Variants in TBL1XR1 observed in about 807,000 individuals in gnomAD.
The protein encoded by TBL1XR1 is F-box-like/WD repeat-containing protein TBL1XR1.
Under a neutral mutation model 66.9 loss-of-function variants are expected in TBL1XR1, and 5 were observed. That is an observed-to-expected ratio of 0.07 (90% confidence interval 0.04 to 0.16). The LOEUF (loss-of-function observed/expected upper bound fraction) is 0.16, where lower values mean the gene tolerates loss of function less well. Among genes scored for constraint, TBL1XR1 ranks in the 10% least tolerant of loss-of-function variants. The probability of loss-of-function intolerance (pLI) is 1.00; values close to 1 mark genes in which losing one functional copy is unlikely to be tolerated. For synonymous variants in TBL1XR1, 210 were observed against 206.0 expected, an observed-to-expected ratio of 1.02 and a Z score of -0.17; for missense variants, 238 against 623.2, an observed-to-expected ratio of 0.38 and a Z score of 6.58.
At position 177,036,813 on chromosome 3, in the gene TBL1XR1, C is replaced by T. The variant is rs116160473; in HGVS notation, c.1122+1285G>A. On this transcript the variant is annotated intron_variant, in intron 12 of 15. Transcript: ENST00000457928. ...ATAGTAGCAGGAAAATCAGTTTTCC[C>T]TCATGATTTTCATATCTGTAACGGT... Among the ~76,000 whole-genome samples the T allele has an allele frequency of 2.0e-3, 302 of 152,296 alleles. 1 individual carries two copies. The highest frequency in any genetic ancestry group is 6.6e-3 in the African/African-American group (273 of 41,562).
At chr3:177,140,755 AAT>A (rs1729537770) in intron 1 of TBL1XR1, among the ~76,000 whole-genome samples, 1 of 152,246 alleles carries the variant, frequency 6.6e-6, no homozygotes, top group Non-Finnish European at 1.5e-5. Context: ...ATAAGTAAAT[AAT>A]AGTCATAACA....
chr3:177,036,340 C>T (rs1317784618), intron 12 of TBL1XR1, among the ~76,000 whole-genome samples: 4 of 152,220 alleles, frequency 2.6e-5, no homozygotes, highest in African/African-American at 4.8e-5. Context: ...CTCCTCCATT[C>T]GCATGACTCA....
chr3:177,039,134 A>C (rs1715219272), intron 10 of TBL1XR1, among the ~76,000 whole-genome samples: 1 of 152,218 alleles, frequency 6.6e-6, no homozygotes, highest in Admixed American at 6.5e-5. Context: ...AACATAAATT[A>C]ATTTCATGTT....
At position 177,125,275 on chromosome 3, in the gene TBL1XR1, A is replaced by G. The variant is rs574617666; in HGVS notation, c.-121-26734T>C. ...CAGATACCCCAAAGAGTAAAATACA[A>G]ACGGCCAATAAGCATATGAAAATAC... On this transcript the variant is annotated intron_variant, in intron 1 of 15. Transcript: ENST00000457928. Among the ~76,000 whole-genome samples the G allele has an allele frequency of 3.5e-4, 54 of 152,280 alleles. 1 individual carries two copies. In the South Asian group the frequency reaches 0.01, roughly 29 times the overall value.
intron 14 of TBL1XR1, among the ~76,000 whole-genome samples, chr3:177,028,785 T>C (rs1199534645): frequency 6.6e-6 from 1 of 152,138 alleles, no homozygotes; most frequent in African/African-American, 2.4e-5. Flanking sequence ...TTTTGAAGAA[T>C]AACAACAAGA....
rs761647251 is a variant in TBL1XR1 at position 177,189,649 on chromosome 3, C to CAAAAAAAAAAAAAAAA, written c.-122+7456_-122+7471dup. ...TGGGAGACAGAGCAAGACTCCATCT[C>CAAAAAAAAAAAAAAAA]AAAAAAAAAAAAAAAAGAAGGATGT... is the stretch of plus-strand genomic sequence containing the variant. On this transcript the variant is annotated intron_variant, in intron 1 of 15. Coordinates refer to ENST00000457928, the MANE Select transcript of TBL1XR1 (RefSeq NM_024665.7). Among the ~76,000 whole-genome samples, 77 of 45,174 alleles carry CAAAAAAAAAAAAAAAA rather than the reference C, an allele frequency of 1.7e-3. 3 individuals are homozygous for CAAAAAAAAAAAAAAAA. The highest frequency in any genetic ancestry group is 6.0e-3 in the African/African-American group (70 of 11,572). 29.6% of individuals were successfully genotyped at this position (45,174 alleles called of 152,430 possible).
At chr3:177,070,670 G>A (rs1010944928) in intron 2 of TBL1XR1, among the ~76,000 whole-genome samples, 3 of 151,988 alleles carry the variant, frequency 2.0e-5, no homozygotes, top group Admixed American at 6.5e-5. Context: ...CCAACGTGGC[G>A]AAACCCCATC....
At chr3:177,069,746 G>C (rs1719638551) in intron 2 of TBL1XR1, among the ~76,000 whole-genome samples, 2 of 138,474 alleles carry the variant, frequency 1.4e-5, no homozygotes, top group Admixed American at 1.6e-4. Flanking sequence ...CGAAAGAAAA[G>C]AAAGAAAGGA....
intron 15 of TBL1XR1, 115 bp downstream of exon 15, chr3:177,026,258 G>T: frequency 2.5e-6 from 2 of 812,940 alleles, no homozygotes; most frequent in South Asian, 1.8e-5. Context: ...AAAAAAATCA[G>T]TATCATACCT....
upstream of TBL1XR1, among the ~76,000 whole-genome samples, chr3:177,198,957 T>G (rs1737266859): frequency 6.6e-6 from 1 of 151,800 alleles, no homozygotes; most frequent in African/African-American, 2.4e-5. Context: ...ATAAGTTCAG[T>G]AATTAGACAG....
chr3:177,046,253 A>T (rs768954160), intron 9 of TBL1XR1, 64 bp from the exon 10 acceptor site: 12 of 1,207,924 alleles, frequency 9.9e-6, no homozygotes, highest in Non-Finnish European at 1.3e-5. Context: ...TGTGTAAAGT[A>T]TATGCCTAAC....
intron 14 of TBL1XR1, among the ~76,000 whole-genome samples, chr3:177,029,068 A>T (rs1713565381): frequency 6.6e-6 from 1 of 152,028 alleles, no homozygotes; most frequent in Admixed American, 6.5e-5. Flanking sequence ...ATACTTCATG[A>T]AAAAATATCA....
chr3:177,135,338 C>G (rs896401155), intron 1 of TBL1XR1, among the ~76,000 whole-genome samples: 695 of 22,486 alleles, frequency 0.031, 68 homozygotes, highest in African/African-American at 0.11. Context: ...TGTGTGTATA[C>G]ATATATATAT....
rs550140421 is a variant in TBL1XR1 at position 177,123,986 on chromosome 3, G to A, written c.-121-25445C>T. The stretch of plus-strand genomic sequence containing the variant: ...ACAATGCACAAATTTGATGTTAGAG[G>A]ATACTTTAATGTTTAGTTCTCATCT... On this transcript the variant is annotated intron_variant, in intron 1 of 15. Transcript: ENST00000457928. Among the ~76,000 whole-genome samples the A allele has an allele frequency of 2.0e-5, 3 of 152,084 alleles. No homozygotes were observed. The South Asian group carries it at 6.2e-4, about 32-fold the overall frequency.
At chr3:177,035,158 A>T (rs1714592099) in intron 12 of TBL1XR1, among the ~76,000 whole-genome samples, 1 of 152,168 alleles carries the variant, frequency 6.6e-6, no homozygotes, top group Non-Finnish European at 1.5e-5. Flanking sequence ...TCTGAACGAC[A>T]TGTTTTCAGA....
At chr3:177,194,573 T>C (rs1294292097) in intron 1 of TBL1XR1, among the ~76,000 whole-genome samples, 1 of 152,218 alleles carries the variant, frequency 6.6e-6, no homozygotes, top group Non-Finnish European at 1.5e-5. Context: ...GGGAGATTCC[T>C]TTGTCAGCTA....
intron 1 of TBL1XR1, among the ~76,000 whole-genome samples, chr3:177,182,059 G>A (rs1734892181): frequency 6.6e-6 from 1 of 152,164 alleles, no homozygotes; most frequent in Admixed American, 6.5e-5. Flanking sequence ...CCAAAGAGCA[G>A]GGTGCCAGGT....
intron 10 of TBL1XR1, among the ~76,000 whole-genome samples, chr3:177,039,666 TAGTG>T (rs1715301256): frequency 6.6e-6 from 1 of 152,192 alleles, no homozygotes; most frequent in African/African-American, 2.4e-5. Flanking sequence ...ATGGTAATAA[TAGTG>T]AGTAACTGGG....
At chr3:177,049,484 T>G (rs1323094548) in intron 7 of TBL1XR1, among the ~76,000 whole-genome samples, 1 of 152,176 alleles carries the variant, frequency 6.6e-6, no homozygotes, top group Non-Finnish European at 1.5e-5. Context: ...ATTCCTACAG[T>G]GGGAATAAAA....
Sources: gnomAD v4.1 joint callset for allele counts (sites outside exome capture counted in the v4.1 genomes callset) on GRCh38, gnomAD v4.1.1 for gene constraint, MANE v1.5 for transcripts, NCBI Gene and HGNC (gene_info 2026-07-23, HGNC 2026-07-21) for gene names.